Variants in PAM observed in about 807,000 individuals in gnomAD.
PAM encodes peptidylglycine alpha-amidating monooxygenase, also known as peptidyl-glycine alpha-amidating monooxygenase.
A neutral mutation model predicts 122.1 loss-of-function variants in PAM; 72 were observed. The ratio of observed to expected loss-of-function variants is 0.59; its 90% CI spans 0.49 to 0.72. The LOEUF (loss-of-function observed/expected upper bound fraction) is 0.72. PAM is among the 30% of genes least tolerant of loss of function. The probability of loss-of-function intolerance (pLI) is 0.00; values close to 1 mark genes in which losing one functional copy is unlikely to be tolerated. For missense variants in PAM, 1,106 were observed against 1,183.7 expected (o/e 0.93, Z 0.96); for synonymous variants, 389 against 404.4 (o/e 0.96, Z 0.46).
At chr5:102,838,558 T>C (rs901136542) in intron 1 of PAM, 4 of 152,202 alleles carry the variant, frequency 2.6e-5, no homozygotes, top group African/African-American at 9.6e-5. Context: ...GTTGAGTGTA[T>C]GTTTTAAATA....
At chr5:102,766,245 T>C (rs1436928113) in intron 1 of PAM, among the ~76,000 whole-genome samples, 1 of 152,190 alleles carries the variant, frequency 6.6e-6, no homozygotes, top group Admixed American at 6.5e-5. Flanking sequence ...TATTATTCCA[T>C]TGTAATATAT....
intron 16 of PAM, among the ~76,000 whole-genome samples, chr5:102,999,998 T>G (rs1437693004): frequency 1.3e-5 from 2 of 152,244 alleles, no homozygotes; most frequent in Non-Finnish European, 2.9e-5. Context: ...CTTGAATATC[T>G]CCTCAGAAAA....
intron 1 of PAM, among the ~76,000 whole-genome samples, chr5:102,797,868 A>G (rs1763772468): frequency 6.6e-6 from 1 of 152,110 alleles, no homozygotes; most frequent in Non-Finnish European, 1.5e-5. Context: ...TAATAATAAC[A>G]CACTTCAACC....
chr5:102,888,878 A>G (rs560384975), intron 3 of PAM, among the ~76,000 whole-genome samples: 15 of 152,062 alleles, frequency 9.9e-5, no homozygotes, highest in African/African-American at 3.4e-4. Flanking sequence ...CTAAAATCAC[A>G]TGAACACTTG....
At chr5:102,947,433 CA>C (rs1384051388) in intron 8 of PAM, among the ~76,000 whole-genome samples, 1 of 152,094 alleles carries the variant, frequency 6.6e-6, no homozygotes, top group East Asian at 1.9e-4. Flanking sequence ...AATGGAAAAC[CA>C]AACATTGTAT....
chr5:102,890,758 C>T (rs1190145399), intron 3 of PAM, among the ~76,000 whole-genome samples: 1 of 151,674 alleles, frequency 6.6e-6, no homozygotes, highest in Non-Finnish European at 1.5e-5. Context: ...AGGAATTTTC[C>T]GAGGAGGTTT....
chr5:102,894,103 G>A (rs2151306326), intron 3 of PAM, among the ~76,000 whole-genome samples: 1 of 151,704 alleles, frequency 6.6e-6, no homozygotes, highest in East Asian at 2.0e-4. Flanking sequence ...GGTCAGTGTA[G>A]ATGACAGCAC....
At chr5:102,865,073 T>C (rs141460476) in intron 1 of PAM, among the ~76,000 whole-genome samples, 1 of 152,314 alleles carries the variant, frequency 6.6e-6, no homozygotes, top group East Asian at 1.9e-4. Context: ...TCTAATTATG[T>C]TGTAAAACTC....
intron 3 of PAM, among the ~76,000 whole-genome samples, chr5:102,871,688 T>TTA (rs988592055): frequency 1.1e-4 from 16 of 147,246 alleles, no homozygotes; most frequent in East Asian, 3.9e-4. Context: ...ACCTTTTATT[T>TTA]TATATATATA....
intron 15 of PAM, among the ~76,000 whole-genome samples, chr5:102,975,458 C>T (rs76689528): frequency 0.023 from 3,504 of 152,216 alleles, 136 homozygotes; most frequent in African/African-American, 0.08. Flanking sequence ...TAACTGGAAC[C>T]TGGATTTTTA....
intron 5 of PAM, among the ~76,000 whole-genome samples, chr5:102,922,217 C>T (rs1747680308): frequency 1.3e-5 from 2 of 151,824 alleles, no homozygotes; most frequent in East Asian, 3.9e-4. Context: ...TCGAAGTCCT[C>T]ACAGTCTGGG....
At chr5:103,004,795 G>A (rs1046664437) in intron 17 of PAM, among the ~76,000 whole-genome samples, 1 of 152,054 alleles carries the variant, frequency 6.6e-6, no homozygotes. Flanking sequence ...ATCCATTTAT[G>A]TTTCTTAAGT....
chr5:102,919,531 C>A (rs988283636), intron 5 of PAM, among the ~76,000 whole-genome samples: 8 of 151,988 alleles, frequency 5.3e-5, no homozygotes, highest in African/African-American at 1.7e-4. Context: ...TAGGAAACTT[C>A]TAAAGTTAAA....
chr5:102,991,143 T>G (rs998229286), intron 16 of PAM, among the ~76,000 whole-genome samples: 4 of 152,192 alleles, frequency 2.6e-5, no homozygotes, highest in Non-Finnish European at 4.4e-5. Context: ...AAGTTAAGTA[T>G]TGTGCCCAAA....
intron 15 of PAM, among the ~76,000 whole-genome samples, chr5:102,977,619 G>A (rs1011947106): frequency 6.7e-6 from 1 of 149,412 alleles, no homozygotes. Context: ...CAAGTAGGAG[G>A]TAATAGTCAC....
chr5:102,839,658 C>T (rs1778060139), intron 1 of PAM, among the ~76,000 whole-genome samples: 1 of 151,614 alleles, frequency 6.6e-6, no homozygotes, highest in South Asian at 2.1e-4. Flanking sequence ...TGGGTGAAAA[C>T]TAAATCGAGC....
intron 1 of PAM, among the ~76,000 whole-genome samples, chr5:102,801,158 G>C (rs1029475193): frequency 6.6e-6 from 1 of 152,010 alleles, no homozygotes; most frequent in African/African-American, 2.4e-5. Context: ...ATCGACTGGA[G>C]GGTTCCACCT....
intron 1 of PAM, among the ~76,000 whole-genome samples, chr5:102,860,964 G>A (rs1784016607): frequency 6.6e-6 from 1 of 152,152 alleles, no homozygotes; most frequent in Admixed American, 6.5e-5. Flanking sequence ...CCAGCAGGAT[G>A]TTAGAGAAAT....
intron 11 of PAM, among the ~76,000 whole-genome samples, chr5:102,950,416 G>GT (rs1758418594): frequency 2.1e-5 from 3 of 145,966 alleles, no homozygotes; most frequent in African/African-American, 7.7e-5. Flanking sequence ...TATGTGGGTG[G>GT]GTGTGTGTGT....
Sources: gnomAD v4.1 joint callset for allele counts (sites outside exome capture counted in the v4.1 genomes callset) on GRCh38, gnomAD v4.1.1 for gene constraint, MANE v1.5 for transcripts, NCBI Gene and HGNC (gene_info 2026-07-23, HGNC 2026-07-21) for gene names.